FOXK2: variants seen among roughly 807,000 people sequenced by gnomAD.
FOXK2 encodes forkhead box protein K2.
FOXK2 carries 24 observed loss-of-function variants against 53.3 expected under a neutral mutation model. The observed-to-expected ratio is 0.45, with a 90% confidence interval of 0.33 to 0.63. FOXK2 has a LOEUF of 0.63. Ranked by LOEUF, FOXK2 falls within the 30% of genes least tolerant of loss-of-function variation. The pLI, the probability that FOXK2 is intolerant of heterozygous loss-of-function variation, is 0.03. For missense variants in FOXK2, 952 were observed against 910.5 expected (o/e 1.05, Z -0.59); for synonymous variants, 505 against 407.1 (o/e 1.24, Z -2.89).
At chr17:82,601,269 A>C in intron 8 of FOXK2, 34 bp from the exon 9 acceptor site, 1 of 1,594,834 alleles carries the variant, frequency 6.3e-7, no homozygotes, top group Non-Finnish European at 8.6e-7. Flanking sequence ...TTCACGTGAG[A>C]GCGTGGGGTT....
chr17:82,519,794 T>C lies in FOXK2; in HGVS notation c.-95T>C, dbSNP rs1474907682. 3 of 374,844 alleles carry C rather than the reference T, an allele frequency of 8.0e-6. No individual in the cohort carries two copies. The highest frequency in any genetic ancestry group is 1.1e-5 in the Non-Finnish European group (3 of 277,598). 23.2% of individuals were successfully genotyped at this position (374,844 alleles called of 1,614,324 possible). A position where few individuals can be genotyped will look rare whatever the true frequency, so the allele number is the denominator to read the frequency against. On this transcript the variant is annotated 5_prime_UTR_variant, in exon 1 of 9. Transcript: ENST00000335255. ...CCTCCGCTCGGCCCCCTCCCTCAGC[T>C]CCGGTGCGCGGCGGCCGACGACCCG...
intron 1 of FOXK2, among the ~76,000 whole-genome samples, chr17:82,524,453 A>T (rs1044656413): frequency 6.6e-6 from 1 of 152,152 alleles, no homozygotes; most frequent in Non-Finnish European, 1.5e-5. Context: ...GGGGGAAGAG[A>T]GAAAGATGAG....
At position 82,586,070 on chromosome 17, in the gene FOXK2, C is replaced by T. The variant is rs1242367469; in HGVS notation, c.1446C>T (p.Val482=). ...HVVHQIPAVS[V]TSVAGLAPAN... ...TCCACCAGATCCCAGCGGTGTCGGTCACCAGTGTGGCCGGACTGGCCCCAG... is the reference window on the plus strand; with the variant it reads ...TCCACCAGATCCCAGCGGTGTCGGTTACCAGTGTGGCCGGACTGGCCCCAG... Residue 482 remains valine (V), a synonymous_variant, in exon 7 of 9, where the codon GTC becomes GTT. Transcript: ENST00000335255. 6.2e-7 allele frequency: 1 copy of T among 1,612,668 alleles called. No individual in the cohort carries two copies. Among genetic ancestry groups the T allele is most frequent in the African/African-American group, 1.3e-5 (1 of 74,940 alleles).
intron 1 of FOXK2, among the ~76,000 whole-genome samples, chr17:82,557,956 T>C (rs1212361883): frequency 6.6e-6 from 1 of 152,174 alleles, no homozygotes; most frequent in Non-Finnish European, 1.5e-5. Context: ...TCTGGCCCCT[T>C]TCCTCATTTT....
intron 4 of FOXK2, among the ~76,000 whole-genome samples, chr17:82,574,235 T>C (rs537971242): frequency 6.6e-6 from 1 of 152,322 alleles, no homozygotes; most frequent in East Asian, 1.9e-4. Flanking sequence ...TCCTGTGTCA[T>C]TTCATGCCTC....
intron 5 of FOXK2, among the ~76,000 whole-genome samples, chr17:82,583,592 CT>C (rs1389551925): frequency 1.3e-5 from 2 of 152,200 alleles, no homozygotes; most frequent in Non-Finnish European, 2.9e-5. Context: ...TTCGAGTTGA[CT>C]TATACAGTGT....
At chr17:82,568,278 C>A in intron 3 of FOXK2, 77 bp downstream of exon 3, 1 of 1,541,080 alleles carries the variant, frequency 6.5e-7, no homozygotes, top group African/African-American at 1.4e-5. Context: ...ACCTGCCTGT[C>A]ACTCACCTGC....
At position 82,594,832 on chromosome 17, in the gene FOXK2, G is replaced by T. The variant is rs964777178; in HGVS notation, c.1787-6471G>T. 5.3e-5 allele frequency among the ~76,000 whole-genome samples: 8 copies of T among 152,344 alleles called. No homozygotes were observed. The South Asian group carries it at 8.3e-4, about 16-fold the overall frequency. ...AGACCAGGGTGGGCAGACTGCTTGT[G>T]CCCAGGAGTTCAAGACCAGCCTGGA... is the stretch of plus-strand genomic sequence containing the variant. On this transcript the variant is annotated intron_variant, in intron 8 of 8. Transcript: ENST00000335255.
chr17:82,525,175 T>C (rs940857997), intron 1 of FOXK2, among the ~76,000 whole-genome samples: 2 of 151,770 alleles, frequency 1.3e-5, no homozygotes, highest in African/African-American at 2.4e-5. Flanking sequence ...ATTTATCTAT[T>C]AATCTATTTT....
intron 8 of FOXK2, among the ~76,000 whole-genome samples, chr17:82,594,989 G>A (rs993978124): frequency 1.3e-5 from 2 of 152,172 alleles, no homozygotes; most frequent in Non-Finnish European, 2.9e-5. Context: ...GCAGTGAACC[G>A]TGATCGCCCC....
intron 1 of FOXK2, among the ~76,000 whole-genome samples, chr17:82,556,442 TA>T (rs5822538): frequency 3.0e-3 from 426 of 142,378 alleles, no homozygotes; most frequent in Middle Eastern, 3.7e-3. Flanking sequence ...AGACTCCGTC[TA>T]AAAAAAAAAA....
At chr17:82,595,343 T>G (rs1348906839) in intron 8 of FOXK2, among the ~76,000 whole-genome samples, 2 of 152,150 alleles carry the variant, frequency 1.3e-5, no homozygotes, top group African/African-American at 4.8e-5. Flanking sequence ...GGTCTGTCAC[T>G]CAGACTGGAG....
rs373348451 is a variant in FOXK2 at position 82,603,881 on chromosome 17, C to T, written c.*2382C>T. 2 of 152,134 alleles carry T rather than the reference C, an allele frequency of 1.3e-5. No homozygotes were observed. The highest frequency in any genetic ancestry group is 2.4e-5 in the African/African-American group (1 of 41,408). 9.4% of individuals were successfully genotyped at this position (152,134 alleles called of 1,614,324 possible). A position where few individuals can be genotyped will look rare whatever the true frequency, so the allele number is the denominator to read the frequency against. On this transcript the variant is annotated 3_prime_UTR_variant, in exon 9 of 9. Coordinates refer to ENST00000335255, the MANE Select transcript of FOXK2 (RefSeq NM_004514.4). ...ACCTAGGAATTTAAGAATATCGAAGCGAGAGCAGTAACAAACCATAGATGA... is the reference window on the plus strand; with the variant it reads ...ACCTAGGAATTTAAGAATATCGAAGTGAGAGCAGTAACAAACCATAGATGA...
intron 1 of FOXK2, among the ~76,000 whole-genome samples, chr17:82,541,359 G>A (rs1218954010): frequency 2.0e-5 from 3 of 147,360 alleles, no homozygotes; most frequent in African/African-American, 2.5e-5. Flanking sequence ...TGCAACCTCC[G>A]TCTCCTGGGT....
At position 82,587,110 on chromosome 17, in the gene FOXK2, G is replaced by A. The variant is rs1177658559; in HGVS notation, c.1624G>A (p.Ala542Thr). The change falls in exon 8 of 9, where the codon GCC becomes ACC. Residue 542 changes from alanine (A) to threonine (T), a missense_variant. Physicochemically the swap from Ala to Thr is moderately conservative, Grantham distance 58 (BLOSUM62 0). Coordinates refer to ENST00000335255, the MANE Select transcript of FOXK2 (RefSeq NM_004514.4). The part of the protein sequence containing the change: ...PAIGHATLGT[A>T]SRIIQTAQTT... Reference sequence around the variant, plus strand: ...CATTGGCCACGCCACGCTCGGCACTGCCAGCCGGATCATTCAGACGGCACA... The same window carrying A: ...CATTGGCCACGCCACGCTCGGCACTACCAGCCGGATCATTCAGACGGCACA... 1.9e-6 allele frequency: 3 copies of A among 1,612,938 alleles called. No homozygotes were observed. The highest frequency in any genetic ancestry group is 2.5e-6 in the Non-Finnish European group (3 of 1,180,018).
intron 1 of FOXK2, chr17:82,559,497 G>A (rs1297080015): frequency 2.2e-6 from 1 of 456,350 alleles, no homozygotes; most frequent in South Asian, 1.5e-5. Context: ...GAGGGTGGGT[G>A]GTCCTGGGAA....
intron 8 of FOXK2, among the ~76,000 whole-genome samples, chr17:82,590,773 G>C (rs1193022449): frequency 1.3e-5 from 2 of 152,182 alleles, no homozygotes; most frequent in Non-Finnish European, 2.9e-5. Flanking sequence ...GGAAAATGTA[G>C]TATTTTTACT....
At chr17:82,569,030 A>G (rs2044884368) in intron 3 of FOXK2, among the ~76,000 whole-genome samples, 1 of 152,202 alleles carries the variant, frequency 6.6e-6, no homozygotes, top group African/African-American at 2.4e-5. Flanking sequence ...AAAATAAAAA[A>G]TAAAAAGAAC....
At chr17:82,592,816 G>A (rs535251009) in intron 8 of FOXK2, among the ~76,000 whole-genome samples, 1 of 152,314 alleles carries the variant, frequency 6.6e-6, no homozygotes, top group Admixed American at 6.5e-5. Flanking sequence ...CGCGCTGGCA[G>A]AGGGAGACCC....
Sources: allele counts gnomAD v4.1 joint callset (sites outside exome capture counted in the v4.1 genomes callset), GRCh38; gene constraint gnomAD v4.1.1; transcripts MANE v1.5; gene names NCBI Gene and HGNC (gene_info 2026-07-23, HGNC 2026-07-21).